The following MTUS2 variants were observed in gnomAD, a reference collection of about 807,000 sequenced individuals.
The protein encoded by MTUS2 is microtubule associated scaffold protein 2, also known as microtubule-associated tumor suppressor candidate 2.
A neutral mutation model predicts 114.1 loss-of-function variants in MTUS2; 40 were observed. The ratio of observed to expected loss-of-function variants is 0.35; its 90% CI spans 0.27 to 0.46. The LOEUF is 0.46. Ranked by LOEUF, MTUS2 falls within the 20% of genes least tolerant of loss-of-function variation. MTUS2 has a pLI of 1.00. For missense variants in MTUS2, 1,679 were observed against 1,705.4 expected (o/e 0.98, Z 0.27); for synonymous variants, 688 against 672.0 (o/e 1.02, Z -0.37).
At chr13:29,396,171 G>C (rs1031102440) in intron 8 of MTUS2, among the ~76,000 whole-genome samples, 1 of 152,162 alleles carries the variant, frequency 6.6e-6, no homozygotes, top group Non-Finnish European at 1.5e-5. Flanking sequence ...ATTGTCACGT[G>C]GTCTGCATCA....
Position 29,269,023 on chromosome 13 carries a change from C to T in MTUS2, c.2645-12681C>T, listed in dbSNP as rs1465287481. 3.9e-5 allele frequency among the ~76,000 whole-genome samples: 6 copies of T among 152,150 alleles called. 1 individual carries two copies. The highest frequency in any genetic ancestry group is 3.3e-4 in the Admixed American group (5 of 15,270). ...CTATTTTATATTTATTGTCTATCCC[C>T]AACTACAAGAATATGAGCTCCAGAA... On this transcript the variant is annotated intron_variant, in intron 5 of 15. Coordinates refer to ENST00000612955, the MANE Select transcript of MTUS2 (RefSeq NM_001033602.4).
intron 8 of MTUS2, among the ~76,000 whole-genome samples, chr13:29,432,302 A>G (rs1877061406): frequency 1.3e-5 from 2 of 152,128 alleles, no homozygotes. Flanking sequence ...CCATTCACCT[A>G]CAGACTCAAC....
chr13:28,857,802 G>A (rs1376662648), intron 2 of MTUS2, among the ~76,000 whole-genome samples: 3 of 152,088 alleles, frequency 2.0e-5, no homozygotes, highest in Non-Finnish European at 2.9e-5. Context: ...CTTACCTTAC[G>A]GGTTCACTTC....
chr13:29,046,250 C>G (rs1295678794), intron 4 of MTUS2, among the ~76,000 whole-genome samples: 1 of 149,508 alleles, frequency 6.7e-6, no homozygotes, highest in African/African-American at 2.5e-5. Context: ...GCAGCTGGGA[C>G]TATAGGCGTG....
At chr13:28,940,545 A>G (rs565636387) in intron 2 of MTUS2, among the ~76,000 whole-genome samples, 7 of 152,274 alleles carry the variant, frequency 4.6e-5, no homozygotes, top group Admixed American at 3.9e-4. Flanking sequence ...AATAACTTTG[A>G]CTACTATATT....
At chr13:29,190,282 C>T (rs1194548833) in intron 5 of MTUS2, among the ~76,000 whole-genome samples, 1 of 152,218 alleles carries the variant, frequency 6.6e-6, no homozygotes, top group Non-Finnish European at 1.5e-5. Context: ...AATTCCATGG[C>T]ACTTGGAATA....
At position 29,350,823 on chromosome 13, in the gene MTUS2, T is replaced by C. The variant is rs535893650; in HGVS notation, c.2906-8439T>C. On this transcript the variant is annotated intron_variant, in intron 7 of 15. Coordinates refer to ENST00000612955, the MANE Select transcript of MTUS2 (RefSeq NM_001033602.4). ...TTGCTAGCCTTACATGTGGGAGAGA[T>C]AGATTATTGCTCTCATATTTCTTCT... Among the ~76,000 whole-genome samples, 13 of 151,366 alleles carry C rather than the reference T, an allele frequency of 8.6e-5. No individual in the cohort carries two copies. The East Asian group carries it at 9.7e-4, about 11-fold the overall frequency.
chr13:29,075,661 A>T (rs1477338222), intron 4 of MTUS2, among the ~76,000 whole-genome samples: 1 of 152,196 alleles, frequency 6.6e-6, no homozygotes, highest in African/African-American at 2.4e-5. Context: ...GAGGGACAAC[A>T]ACTTTATGTT....
At chr13:28,922,992 T>C (rs1045208440) in intron 2 of MTUS2, among the ~76,000 whole-genome samples, 2 of 152,170 alleles carry the variant, frequency 1.3e-5, no homozygotes, top group African/African-American at 4.8e-5. Flanking sequence ...TGTTGGACCT[T>C]TTTCTGTTGT....
At chr13:29,502,502 G>A (rs1410858390) in intron 15 of MTUS2, among the ~76,000 whole-genome samples, 2 of 152,228 alleles carry the variant, frequency 1.3e-5, no homozygotes, top group Non-Finnish European at 1.5e-5. Flanking sequence ...TTCCAGCAGG[G>A]GAGGACACCT....
chr13:28,855,237 C>T (rs114821774), intron 2 of MTUS2, among the ~76,000 whole-genome samples: 7,340 of 152,000 alleles, frequency 0.048, 263 homozygotes, highest in African/African-American at 0.098. Flanking sequence ...ATTCTATCAT[C>T]TCACAGGCAC....
chr13:29,494,184 T>C (rs751862603), intron 12 of MTUS2, among the ~76,000 whole-genome samples: 1 of 152,220 alleles, frequency 6.6e-6, no homozygotes, highest in Non-Finnish European at 1.5e-5. Flanking sequence ...AAATAACGTG[T>C]GAAAAGTGGA....
At chr13:28,924,306 A>G (rs2138064282) in intron 2 of MTUS2, among the ~76,000 whole-genome samples, 1 of 152,302 alleles carries the variant, frequency 6.6e-6, no homozygotes, top group East Asian at 1.9e-4. Flanking sequence ...ATGGAGGAGC[A>G]GGGAAAAGTG....
At chr13:29,307,882 C>T (rs529596237) in intron 6 of MTUS2, 24 of 568,162 alleles carry the variant, frequency 4.2e-5, no homozygotes, top group Non-Finnish European at 7.3e-5. Context: ...GAGAATCCCC[C>T]CTCCTCAGAG....
At chr13:29,375,622 T>TAAAAA (rs1213645448) in intron 8 of MTUS2, among the ~76,000 whole-genome samples, 1 of 13,442 alleles carries the variant, frequency 7.4e-5, no homozygotes, top group African/African-American at 2.1e-4. Flanking sequence ...TATATATATA[T>TAAAAA]ATATATATAT....
chr13:29,140,431 C>CA (rs1464437094), intron 5 of MTUS2, among the ~76,000 whole-genome samples: 1 of 152,210 alleles, frequency 6.6e-6, no homozygotes, highest in African/African-American at 2.4e-5. Flanking sequence ...GGCTTCTCTG[C>CA]AGTCTCACGT....
chr13:28,975,431 C>T (rs1391776769), intron 2 of MTUS2, among the ~76,000 whole-genome samples: 2 of 149,734 alleles, frequency 1.3e-5, no homozygotes, highest in Admixed American at 6.6e-5. Context: ...GTGGCTTCTT[C>T]GGCAGTTTAC....
intron 11 of MTUS2, among the ~76,000 whole-genome samples, chr13:29,491,100 G>A (rs1331316446): frequency 6.6e-6 from 1 of 150,554 alleles, no homozygotes; most frequent in Non-Finnish European, 1.5e-5. Flanking sequence ...GTGTGCGGGT[G>A]TTTATAGTGT....
At chr13:29,402,615 C>T (rs1874429060) in intron 8 of MTUS2, among the ~76,000 whole-genome samples, 4 of 152,130 alleles carry the variant, frequency 2.6e-5, no homozygotes, top group Admixed American at 2.6e-4. Flanking sequence ...AGCAGGGCCC[C>T]TGCTTGAATC....
Sources: allele counts gnomAD v4.1 joint callset (sites outside exome capture counted in the v4.1 genomes callset), GRCh38; gene constraint gnomAD v4.1.1; transcripts MANE v1.5; gene names NCBI Gene and HGNC (gene_info 2026-07-23, HGNC 2026-07-21).